The following ANK1 variants were observed in gnomAD, a reference collection of about 807,000 sequenced individuals.
ANK1 encodes ankyrin-1.
Under a neutral mutation model 210.4 loss-of-function variants are expected in ANK1, and 51 were observed. The observed-to-expected ratio is 0.24, with a 90% CI of 0.19 to 0.31. The LOEUF (loss-of-function observed/expected upper bound fraction) is 0.31, where lower values mean the gene tolerates loss of function less well. Ranked by LOEUF, ANK1 falls within the 10% of genes least tolerant of loss-of-function variation. The pLI is 1.00. For missense variants in ANK1, 2,051 were observed against 2,504.4 expected, an observed-to-expected ratio of 0.82 and a Z score of 3.86; for synonymous variants, 967 against 1,025.9, an observed-to-expected ratio of 0.94 and a Z score of 1.10.
chr8:41,665,958 T>A (rs1430813078), intron 39 of ANK1: 5 of 152,276 alleles, frequency 3.3e-5, no homozygotes. Context: ...TTCACAAATG[T>A]AGCCGCAGCA....
chr8:41,879,594 A>G (rs1418716873), intron 1 of ANK1, among the ~76,000 whole-genome samples: 1 of 152,210 alleles, frequency 6.6e-6, no homozygotes, highest in Admixed American at 6.5e-5. Flanking sequence ...CCAGGCACGC[A>G]CCAGATTGTT....
intron 1 of ANK1, among the ~76,000 whole-genome samples, chr8:41,773,904 A>G (rs1446956941): frequency 6.6e-6 from 1 of 152,236 alleles, no homozygotes; most frequent in Non-Finnish European, 1.5e-5. Context: ...TTATTTTCCC[A>G]ATAGTGAGAA....
At chr8:41,769,711 A>T (rs915767644) in intron 1 of ANK1, among the ~76,000 whole-genome samples, 1 of 152,188 alleles carries the variant, frequency 6.6e-6, no homozygotes, top group Non-Finnish European at 1.5e-5. Flanking sequence ...AACCATGGCC[A>T]CATAAGATAA....
intron 40 of ANK1, among the ~76,000 whole-genome samples, chr8:41,663,395 T>C (rs1489777217): frequency 1.3e-5 from 2 of 152,280 alleles, no homozygotes; most frequent in South Asian, 2.1e-4. Context: ...GGATGTTTCC[T>C]GGGGGCTGGC....
intron 1 of ANK1, among the ~76,000 whole-genome samples, chr8:41,842,884 T>C (rs1809246509): frequency 6.6e-6 from 1 of 152,144 alleles, no homozygotes; most frequent in African/African-American, 2.4e-5. Flanking sequence ...TCTCCTTCTG[T>C]CGCCCAGGCT....
intron 2 of ANK1, among the ~76,000 whole-genome samples, chr8:41,747,524 C>G (rs1366025313): frequency 6.6e-6 from 1 of 152,162 alleles, no homozygotes; most frequent in African/African-American, 2.4e-5. Context: ...TCCCAAAGGC[C>G]TGAATTCTTT....
chr8:41,753,788 G>A (rs1328215730), intron 2 of ANK1, among the ~76,000 whole-genome samples: 1 of 150,260 alleles, frequency 6.7e-6, no homozygotes, highest in Non-Finnish European at 1.5e-5. Context: ...CTACCTGTAA[G>A]CTCCAGCACA....
chr8:41,726,039 C>T, intron 5 of ANK1, 93 bp from the exon 6 acceptor site: 1 of 1,425,116 alleles, frequency 7.0e-7, no homozygotes, highest in Admixed American at 1.9e-5. Context: ...CTTATGCTCC[C>T]AGCAGCCCCA....
chr8:41,874,483 C>T (rs1044226736), intron 1 of ANK1, among the ~76,000 whole-genome samples: 6 of 152,216 alleles, frequency 3.9e-5, no homozygotes, highest in African/African-American at 1.2e-4. Context: ...CAGCCCCCAA[C>T]CTCCTCCACC....
intron 1 of ANK1, among the ~76,000 whole-genome samples, chr8:41,892,052 A>G (rs80007079): frequency 0.052 from 7,856 of 152,280 alleles, 395 homozygotes; most frequent in East Asian, 0.23. Context: ...GATTGAATTT[A>G]CAAAACCTTT....
Position 41,705,489 on chromosome 8 carries a change from T to C in ANK1, c.2097+654A>G, listed in dbSNP as rs149339973. Among the ~76,000 whole-genome samples the C allele has an allele frequency of 2.0e-3, 301 of 152,352 alleles. 1 individual carries two copies. The highest frequency in any genetic ancestry group is 6.5e-3 in the African/African-American group (272 of 41,586). On this transcript the variant is annotated intron_variant, in intron 18 of 42. Coordinates refer to ENST00000289734, the MANE Select transcript of ANK1 (RefSeq NM_000037.4). ...AGCATAACATTGTTGCCGGCATTTC[T>C]GTGCTACTCTGGAGGGGGCGGGAGC...
Position 41,653,364 on chromosome 8 carries a change from A to C in ANK1, c.*2426T>G, listed in dbSNP as rs1257864615. On this transcript the variant is annotated 3_prime_UTR_variant, in exon 43 of 43. Transcript: ENST00000289734. ...AGTCAAGAAAAGATCCATTTTCATA[A>C]CAATTAAAAAAATCAAGGTAATTTC... is the stretch of plus-strand genomic sequence containing the variant. 1 of 152,694 alleles carries C rather than the reference A, an allele frequency of 6.5e-6. No homozygotes were observed. Among genetic ancestry groups the C allele is most frequent in the Non-Finnish European group, 1.5e-5 (1 of 68,060 alleles). The allele number at this position is 152,694 out of a possible 1,614,324, so 9.5% of individuals were successfully genotyped here. A position where few individuals can be genotyped will look rare whatever the true frequency, so the allele number is the denominator to read the frequency against.
intron 1 of ANK1, among the ~76,000 whole-genome samples, chr8:41,857,367 G>A (rs1215613426): frequency 6.6e-6 from 1 of 151,634 alleles, no homozygotes; most frequent in African/African-American, 2.4e-5. Context: ...GGAGGCCGAG[G>A]CAGGTGGATC....
At chr8:41,779,940 G>A (rs773704511) in intron 1 of ANK1, among the ~76,000 whole-genome samples, 1 of 152,238 alleles carries the variant, frequency 6.6e-6, no homozygotes, top group Non-Finnish European at 1.5e-5. Flanking sequence ...AGAGACATGG[G>A]ATCTGGCTGG....
chr8:41,741,141 C>T, intron 2 of ANK1, among the ~76,000 whole-genome samples: 1 of 152,128 alleles, frequency 6.6e-6, no homozygotes, highest in Non-Finnish European at 1.5e-5. Flanking sequence ...GGAGGGGAGG[C>T]CTGTTTTATT....
intron 1 of ANK1, among the ~76,000 whole-genome samples, chr8:41,877,395 A>T (rs1816790418): frequency 6.6e-6 from 1 of 152,196 alleles, no homozygotes; most frequent in Non-Finnish European, 1.5e-5. Context: ...TCCAGCTGAG[A>T]CCCTGGGCGA....
At chr8:41,864,034 G>A (rs554107795) in intron 1 of ANK1, among the ~76,000 whole-genome samples, 2 of 152,250 alleles carry the variant, frequency 1.3e-5, no homozygotes, top group East Asian at 3.9e-4. Context: ...CACGAGGTCA[G>A]GAGATCGAGA....
At chr8:41,799,157 G>A (rs1192402996), upstream of ANK1, among the ~76,000 whole-genome samples, 1 of 152,146 alleles carries the variant, frequency 6.6e-6, no homozygotes, top group East Asian at 1.9e-4. Context: ...TCAAAACAAT[G>A]GCTGTTTGTT....
chr8:41,679,284 G>A (rs1277178967), intron 37 of ANK1, among the ~76,000 whole-genome samples: 8 of 152,166 alleles, frequency 5.3e-5, no homozygotes, highest in East Asian at 1.9e-4. Flanking sequence ...GTTCTGTTAC[G>A]CAGTTAAGTT....
Sources: gnomAD v4.1 joint callset for allele counts (sites outside exome capture counted in the v4.1 genomes callset) on GRCh38, gnomAD v4.1.1 for gene constraint, MANE v1.5 for transcripts, NCBI Gene and HGNC (gene_info 2026-07-23, HGNC 2026-07-21) for gene names.